TCERG1: variants seen among roughly 807,000 people sequenced by gnomAD.
TCERG1 encodes the protein TATA box binding protein (TBP)-associated factor, RNA polymerase II, S, 150kD.
TCERG1 carries 37 observed loss-of-function variants against 144.7 expected under a neutral mutation model. The ratio of observed to expected loss-of-function variants is 0.26; its 90% CI spans 0.20 to 0.34. The LOEUF is 0.34. Among genes scored for constraint, TCERG1 ranks in the 10% least tolerant of loss-of-function variants. The pLI, the probability that TCERG1 is intolerant of heterozygous loss-of-function variation, is 1.00. For missense variants in TCERG1, 1,027 were observed against 1,380.7 expected (o/e 0.74, Z 4.06); for synonymous variants, 492 against 458.2 (o/e 1.07, Z -0.94).
intron 17 of TCERG1, among the ~76,000 whole-genome samples, chr5:146,502,273 T>A (rs1767551875): frequency 6.6e-6 from 1 of 152,144 alleles, no homozygotes; most frequent in Non-Finnish European, 1.5e-5. Flanking sequence ...ATTCATATAT[T>A]TTTGTGCATA....
chr5:146,456,605 A>G (rs1050609870), intron 2 of TCERG1, among the ~76,000 whole-genome samples: 5 of 152,216 alleles, frequency 3.3e-5, no homozygotes, highest in African/African-American at 1.2e-4. Context: ...TGGGAAAGAC[A>G]TTTTTAGGAA....
intron 15 of TCERG1, among the ~76,000 whole-genome samples, chr5:146,488,391 A>G (rs140336777): frequency 1.4e-4 from 21 of 152,312 alleles, no homozygotes; most frequent in East Asian, 7.7e-4. Flanking sequence ...CCCAACAGAA[A>G]AAAACAGATC....
intron 10 of TCERG1, among the ~76,000 whole-genome samples, chr5:146,479,581 C>T (rs1323223082): frequency 1.3e-5 from 2 of 151,992 alleles, no homozygotes; most frequent in Non-Finnish European, 2.9e-5. Context: ...CATTAACGTG[C>T]ATTGTTAAAA....
chr5:146,508,516 T>G (rs1434372654), intron 21 of TCERG1, among the ~76,000 whole-genome samples: 1 of 152,194 alleles, frequency 6.6e-6, no homozygotes, highest in Non-Finnish European at 1.5e-5. Flanking sequence ...CCCCTCAAAG[T>G]CTATTGGATT....
At chr5:146,447,464 C>T (rs1034614603) in intron 1 of TCERG1, 56 bp downstream of exon 1, 5 of 1,574,446 alleles carry the variant, frequency 3.2e-6, no homozygotes, top group African/African-American at 2.7e-5. Flanking sequence ...AGAGGCTAGA[C>T]GCTAGACCTG....
At chr5:146,449,528 A>G (rs993539132) in intron 1 of TCERG1, among the ~76,000 whole-genome samples, 2 of 152,216 alleles carry the variant, frequency 1.3e-5, no homozygotes, top group African/African-American at 4.8e-5. Context: ...CATAGTTTAT[A>G]CAATTTGCCC....
chr5:146,493,182 A>G, intron 16 of TCERG1, 144 bp downstream of exon 16: 2 of 591,020 alleles, frequency 3.4e-6, no homozygotes, highest in Non-Finnish European at 5.8e-6. Flanking sequence ...CAAAATTTCT[A>G]ATCTTTATTT....
chr5:146,461,194 T>G (rs769822316), intron 4 of TCERG1, among the ~76,000 whole-genome samples: 1 of 152,136 alleles, frequency 6.6e-6, no homozygotes, highest in Non-Finnish European at 1.5e-5. Context: ...CTTCAGTGAT[T>G]GGGAGGACTT....
intron 7 of TCERG1, among the ~76,000 whole-genome samples, chr5:146,470,117 G>A (rs1259897230): frequency 6.6e-6 from 1 of 152,112 alleles, no homozygotes; most frequent in Non-Finnish European, 1.5e-5. Flanking sequence ...GGCCCTTAGG[G>A]TCTTAGATGT....
At chr5:146,449,342 C>A (rs1762163925) in intron 1 of TCERG1, among the ~76,000 whole-genome samples, 2 of 152,146 alleles carry the variant, frequency 1.3e-5, no homozygotes, top group Non-Finnish European at 2.9e-5. Flanking sequence ...GTGCCCTGAA[C>A]CAGACCGAAA....
In TCERG1 at chr5:146,510,777, G is replaced by A. The variant is rs1415080204; in HGVS notation, c.*135G>A. Reference sequence around the variant, plus strand: ...ACAGAAGGAGAAGCATTTGTGAACAGTTTCTGAACAGAACACTTTGGAAAT... The same window carrying A: ...ACAGAAGGAGAAGCATTTGTGAACAATTTCTGAACAGAACACTTTGGAAAT... On this transcript the variant is annotated 3_prime_UTR_variant, in exon 23 of 23. Transcript: ENST00000679501. The A allele has an allele frequency of 3.9e-6, 3 of 766,764 alleles. No individual in the cohort carries two copies. The highest frequency in any genetic ancestry group is 5.9e-6 in the Non-Finnish European group (3 of 511,218). 47.5% of individuals were successfully genotyped at this position (766,764 alleles called of 1,614,324 possible). A position where few individuals can be genotyped will look rare whatever the true frequency, so the allele number is the denominator to read the frequency against.
At chr5:146,488,347 T>C (rs1345034447) in intron 15 of TCERG1, among the ~76,000 whole-genome samples, 1 of 152,126 alleles carries the variant, frequency 6.6e-6, no homozygotes, top group Non-Finnish European at 1.5e-5. Context: ...TGATAGGGAA[T>C]TAAATGTCCA....
intron 22 of TCERG1, 57 bp from the exon 23 acceptor site, chr5:146,510,384 T>C: frequency 7.6e-7 from 1 of 1,307,998 alleles, no homozygotes; most frequent in Non-Finnish European, 1.1e-6. Flanking sequence ...CCAGCTCATT[T>C]CTGAAAGACC....
At chr5:146,501,250 A>T (rs1767415313) in intron 17 of TCERG1, among the ~76,000 whole-genome samples, 1 of 152,132 alleles carries the variant, frequency 6.6e-6, no homozygotes, top group African/African-American at 2.4e-5. Flanking sequence ...TTGTTATAGT[A>T]AGGAATGGGG....
At chr5:146,509,400 A>C (rs949379254) in intron 22 of TCERG1, among the ~76,000 whole-genome samples, 155 bp downstream of exon 22, 1 of 149,702 alleles carries the variant, frequency 6.7e-6, no homozygotes, top group African/African-American at 2.5e-5. Flanking sequence ...AATACAGCCC[A>C]TATCTACCAT....
chr5:146,508,106 T>C (rs1163261172), intron 21 of TCERG1, 150 bp downstream of exon 21: 6 of 534,704 alleles, frequency 1.1e-5, no homozygotes. Context: ...TTTAAGTTTA[T>C]GTATTGTTTC....
intron 10 of TCERG1, 115 bp downstream of exon 10, chr5:146,478,768 C>G: frequency 9.6e-7 from 1 of 1,044,124 alleles, no homozygotes; most frequent in Non-Finnish European, 1.3e-6. Flanking sequence ...AAGAAGCATT[C>G]GAAAAAAATA....
intron 18 of TCERG1, 120 bp downstream of exon 18, chr5:146,503,659 TTAACA>T (rs1767687423): frequency 4.3e-6 from 6 of 1,387,986 alleles, no homozygotes; most frequent in South Asian, 4.3e-5. Flanking sequence ...GTTAGTATTC[TTAACA>T]TAAGAGTCTA....
At chr5:146,505,345 C>T (rs1407808649) in intron 19 of TCERG1, among the ~76,000 whole-genome samples, 1 of 152,220 alleles carries the variant, frequency 6.6e-6, no homozygotes, top group Non-Finnish European at 1.5e-5. Flanking sequence ...TGTCACTCCC[C>T]TGGTTACTTG....
Sources: gnomAD v4.1 joint callset for allele counts (sites outside exome capture counted in the v4.1 genomes callset) on GRCh38, gnomAD v4.1.1 for gene constraint, MANE v1.5 for transcripts, NCBI Gene and HGNC (gene_info 2026-07-23, HGNC 2026-07-21) for gene names.